Variants in FBXL17 observed in about 807,000 individuals in gnomAD.
FBXL17 encodes the protein F-box/LRR-repeat protein 17.
FBXL17 carries 22 observed loss-of-function variants against 66.2 expected under a neutral mutation model. The ratio of observed to expected loss-of-function variants is 0.33; its 90% CI spans 0.24 to 0.47. The LOEUF (loss-of-function observed/expected upper bound fraction) is 0.47, where lower values mean the gene tolerates loss of function less well. FBXL17 is among the 20% of genes least tolerant of loss of function. The probability of loss-of-function intolerance (pLI) is 1.00; values close to 1 mark genes in which losing one functional copy is unlikely to be tolerated. For synonymous variants in FBXL17, 474 were observed against 400.5 expected (o/e 1.18, Z -2.19); for missense variants, 878 against 948.2 (o/e 0.93, Z 0.97).
intron 8 of FBXL17, among the ~76,000 whole-genome samples, chr5:107,865,992 G>T (rs1315425169): frequency 6.6e-6 from 1 of 152,024 alleles, no homozygotes; most frequent in Non-Finnish European, 1.5e-5. Context: ...CAGATATTTT[G>T]TCATGCACAA....
chr5:108,373,984 A>G (rs1006491144), intron 1 of FBXL17, among the ~76,000 whole-genome samples: 5 of 152,232 alleles, frequency 3.3e-5, no homozygotes, highest in African/African-American at 1.2e-4. Flanking sequence ...TACTGTTTAC[A>G]AGAGACTCAA....
At chr5:108,016,676 C>T (rs1382019374) in intron 7 of FBXL17, among the ~76,000 whole-genome samples, 2 of 152,216 alleles carry the variant, frequency 1.3e-5, no homozygotes, top group Non-Finnish European at 2.9e-5. Context: ...CCACTTCCTC[C>T]ACAGGCCTGA....
intron 3 of FBXL17, among the ~76,000 whole-genome samples, chr5:108,362,509 A>G (rs781202873): frequency 1.2e-4 from 19 of 152,160 alleles, no homozygotes; most frequent in Admixed American, 1.2e-3. Flanking sequence ...TTGTAGTTTT[A>G]AAAGATATAT....
At chr5:107,885,263 C>T (rs891566286) in intron 7 of FBXL17, among the ~76,000 whole-genome samples, 1 of 151,982 alleles carries the variant, frequency 6.6e-6, no homozygotes, top group Non-Finnish European at 1.5e-5. Flanking sequence ...AAATTAAAAG[C>T]TGTAGTTCAG....
intron 1 of FBXL17, among the ~76,000 whole-genome samples, chr5:108,369,768 G>A (rs1748907920): frequency 6.6e-6 from 1 of 151,962 alleles, no homozygotes. Context: ...GCCACACTGA[G>A]ATCCAGAATT....
intron 5 of FBXL17, among the ~76,000 whole-genome samples, chr5:108,187,307 C>T (rs1188315868): frequency 6.6e-6 from 1 of 152,130 alleles, no homozygotes. Context: ...AATCTGGAGG[C>T]ATATGATAGA....
chr5:108,316,435 T>C (rs984116866), intron 4 of FBXL17, among the ~76,000 whole-genome samples: 5 of 151,442 alleles, frequency 3.3e-5, no homozygotes, highest in African/African-American at 1.2e-4. Context: ...TAATTTATGA[T>C]TAATAAAATC....
At chr5:108,033,189 C>T (rs1408054580) in intron 6 of FBXL17, among the ~76,000 whole-genome samples, 3 of 152,170 alleles carry the variant, frequency 2.0e-5, no homozygotes, top group Non-Finnish European at 4.4e-5. Context: ...TTTGCTTTAT[C>T]TCAGATGTAT....
chr5:108,104,996 G>C (rs903320572), intron 6 of FBXL17, among the ~76,000 whole-genome samples: 1 of 151,852 alleles, frequency 6.6e-6, no homozygotes, highest in Non-Finnish European at 1.5e-5. Flanking sequence ...TGCCCGCCAC[G>C]ATGCCCAGCT....
intron 6 of FBXL17, among the ~76,000 whole-genome samples, chr5:108,155,369 G>A (rs1751953663): frequency 6.6e-6 from 1 of 152,038 alleles, no homozygotes; most frequent in African/African-American, 2.4e-5. Context: ...ACAAAAATTA[G>A]CCGGGCGTGG....
At chr5:107,939,607 T>C (rs1408571408) in intron 7 of FBXL17, among the ~76,000 whole-genome samples, 2 of 152,148 alleles carry the variant, frequency 1.3e-5, no homozygotes, top group Non-Finnish European at 2.9e-5. Flanking sequence ...CCTCAGTAGA[T>C]TCTCATTATT....
intron 7 of FBXL17, among the ~76,000 whole-genome samples, chr5:108,018,220 C>T (rs1343548307): frequency 1.3e-5 from 2 of 152,074 alleles, no homozygotes; most frequent in Non-Finnish European, 2.9e-5. Flanking sequence ...AGATGTACAT[C>T]AAATTTTACA....
chr5:108,025,962 T>C (rs546264262), intron 6 of FBXL17, among the ~76,000 whole-genome samples: 41 of 152,224 alleles, frequency 2.7e-4, no homozygotes, highest in African/African-American at 9.4e-4. Context: ...CCAAATCAGG[T>C]TTTACTGAAG....
At chr5:108,297,532 T>A (rs1758398520) in intron 4 of FBXL17, among the ~76,000 whole-genome samples, 1 of 151,632 alleles carries the variant, frequency 6.6e-6, no homozygotes. Context: ...GACTCAAACA[T>A]CAAAAATCCA....
chr5:108,251,185 CA>C lies in FBXL17; in HGVS notation c.1507-26958del, dbSNP rs143613254. Among the ~76,000 whole-genome samples, 11 of 152,142 alleles carry C rather than the reference CA, an allele frequency of 7.2e-5. No individual in the cohort carries two copies. In the East Asian group the frequency reaches 1.7e-3, roughly 24 times the overall value. The stretch of plus-strand genomic sequence containing the variant: ...TTTATACTGTCTTTGAGAAAAACTG[CA>C]CTGATTGATACCAGCCATTGAAAAG... On this transcript the variant is annotated intron_variant, in intron 4 of 8. Transcript: ENST00000542267.
intron 6 of FBXL17, among the ~76,000 whole-genome samples, chr5:108,157,586 A>T (rs1434410503): frequency 1.4e-5 from 2 of 141,024 alleles, no homozygotes; most frequent in Non-Finnish European, 3.1e-5. Flanking sequence ...ATTTTTCTTT[A>T]AAAAAAAAAA....
chr5:108,116,889 G>T (rs1336869764), intron 6 of FBXL17, among the ~76,000 whole-genome samples: 1 of 151,758 alleles, frequency 6.6e-6, no homozygotes, highest in Non-Finnish European at 1.5e-5. Context: ...TGCCCTATAG[G>T]TAGGTGACTC....
intron 4 of FBXL17, among the ~76,000 whole-genome samples, chr5:108,248,822 G>C (rs906742797): frequency 5.9e-5 from 9 of 152,040 alleles, no homozygotes; most frequent in Admixed American, 5.2e-4. Flanking sequence ...GAAAAGAACT[G>C]TCAGCCAGAG....
chr5:108,297,934 G>A, intron 4 of FBXL17: 1 of 970,602 alleles, frequency 1.0e-6, no homozygotes. Context: ...AAAATTTACA[G>A]TTTATGGCAT....
Sources: gnomAD v4.1 joint callset for allele counts (sites outside exome capture counted in the v4.1 genomes callset) on GRCh38, gnomAD v4.1.1 for gene constraint, MANE v1.5 for transcripts, NCBI Gene and HGNC (gene_info 2026-07-23, HGNC 2026-07-21) for gene names.